The following PTPRN2 variants were observed in gnomAD, a reference collection of about 807,000 sequenced individuals.
PTPRN2 encodes the protein protein tyrosine phosphatase receptor type N2, also known as receptor-type tyrosine-protein phosphatase N2.
Under a neutral mutation model 118.8 loss-of-function variants are expected in PTPRN2, and 74 were observed. That is an observed-to-expected ratio of 0.62 (90% CI 0.52 to 0.76). The LOEUF is 0.76. PTPRN2 is among the 30% of genes least tolerant of loss of function. PTPRN2 has a pLI of 0.00. For synonymous variants in PTPRN2, 641 were observed against 608.0 expected (o/e 1.05, Z -0.80); for missense variants, 1,481 against 1,394.4 (o/e 1.06, Z -0.99).
chr7:157,757,267 C>T (rs1183707139), intron 12 of PTPRN2, among the ~76,000 whole-genome samples: 2 of 151,736 alleles, frequency 1.3e-5, no homozygotes, highest in African/African-American at 4.9e-5. Context: ...AGGCAGAGAC[C>T]GTCGAGGAAC....
intron 11 of PTPRN2, among the ~76,000 whole-genome samples, chr7:157,941,029 C>A (rs1273857768): frequency 1.1e-5 from 1 of 89,274 alleles, no homozygotes; most frequent in African/African-American, 6.6e-5. Context: ...ACACCCTCCC[C>A]ACCACGACAC....
intron 12 of PTPRN2, among the ~76,000 whole-genome samples, chr7:157,770,997 G>A (rs1460681829): frequency 6.6e-6 from 1 of 152,248 alleles, no homozygotes; most frequent in Non-Finnish European, 1.5e-5. Flanking sequence ...CGCCCTGCCA[G>A]TTTCTGGCTT....
At chr7:157,982,510 C>CA (rs1803347050) in intron 11 of PTPRN2, among the ~76,000 whole-genome samples, 1 of 138,200 alleles carries the variant, frequency 7.2e-6, no homozygotes, top group Non-Finnish European at 1.6e-5. Context: ...CAGGGTCCCC[C>CA]CAAACCCTGA....
chr7:158,224,153 AT>A (rs1280630342), intron 3 of PTPRN2, among the ~76,000 whole-genome samples: 2 of 152,228 alleles, frequency 1.3e-5, no homozygotes, highest in African/African-American at 4.8e-5. Context: ...AGATCAGAAG[AT>A]TCAACATAAT....
rs1482560985 is a variant in PTPRN2, at chr7:158,071,622, G to A, written c.1723+9676C>T. ...CCTGGTGGAGGTGCTCGTGGTGGAG[G>A]TGCTCGTGGTGGTGGAGATGCTCGT... On this transcript the variant is annotated intron_variant, in intron 11 of 22. Transcript: ENST00000389418. 9.8e-4 allele frequency among the ~76,000 whole-genome samples: 98 copies of A among 99,708 alleles called. 1 individual carries two copies. The highest frequency in any genetic ancestry group is 2.0e-3 in the South Asian group (5 of 2,532). The allele number at this position is 99,708 out of a possible 152,430, so 65.4% of individuals were successfully genotyped here.
chr7:157,660,865 CT>C (rs1486233542), intron 13 of PTPRN2, among the ~76,000 whole-genome samples: 1 of 152,246 alleles, frequency 6.6e-6, no homozygotes, highest in African/African-American at 2.4e-5. Flanking sequence ...AGCGATTCTG[CT>C]GCCTCAGCCT....
chr7:157,958,600 A>G (rs1801330211), intron 11 of PTPRN2, among the ~76,000 whole-genome samples: 1 of 152,218 alleles, frequency 6.6e-6, no homozygotes, highest in Non-Finnish European at 1.5e-5. Flanking sequence ...AATCATTTGT[A>G]CTTCTATACA....
intron 6 of PTPRN2, among the ~76,000 whole-genome samples, chr7:158,144,941 G>A (rs1265139410): frequency 6.6e-6 from 1 of 150,664 alleles, no homozygotes; most frequent in Non-Finnish European, 1.5e-5. Flanking sequence ...GAATGCCACG[G>A]CTCGGCAAGA....
chr7:157,545,352 T>A (rs193162058), intron 22 of PTPRN2, among the ~76,000 whole-genome samples: 1 of 148,616 alleles, frequency 6.7e-6, no homozygotes, highest in African/African-American at 2.5e-5. Flanking sequence ...TGCCTGGGTG[T>A]GTGCATGGGG....
rs1585576797 is a variant in PTPRN2, at chr7:157,831,523, A to G, written c.1788+67150T>C. 2.0e-5 allele frequency among the ~76,000 whole-genome samples: 3 copies of G among 151,950 alleles called. No individual in the cohort carries two copies. ...CCCATCCCTGTCCACGGCCCCTCTC[A>G]CCCTGCAGTACTGAGCAGGGTGAGG... is the stretch of plus-strand genomic sequence containing the variant. On this transcript the variant is annotated intron_variant, in intron 12 of 22. Transcript: ENST00000389418. This position sits in a 1 kb window ranked among gnomAD's most constrained non-coding sequence, Gnocchi z 4.8.
At position 157,571,504 on chromosome 7, in the gene PTPRN2, AAG is replaced by A. The variant is rs1279338737; in HGVS notation, c.2784-13_2784-12del. 1.9e-6 allele frequency: 3 copies of A among 1,596,558 alleles called. No individual in the cohort carries two copies. The highest frequency in any genetic ancestry group is 2.2e-5 in the East Asian group (1 of 44,762). ...CACTTGTTTACTTTTCTGAAATAAA[AAG>A]AGATATAAAAATTATCGTTGTGTAC... On this transcript the variant is annotated splice_polypyrimidine_tract_variant and intron_variant, in intron 19 of 22. Coordinates refer to ENST00000389418, the MANE Select transcript of PTPRN2 (RefSeq NM_002847.5).
In PTPRN2 at chr7:157,817,999, C is replaced by T. The variant is rs557057957; in HGVS notation, c.1788+80674G>A. 1.3e-4 allele frequency among the ~76,000 whole-genome samples: 19 copies of T among 150,866 alleles called. 1 individual carries two copies. In the East Asian group the frequency reaches 2.5e-3, roughly 20 times the overall value. On this transcript the variant is annotated intron_variant, in intron 12 of 22. Coordinates refer to ENST00000389418, the MANE Select transcript of PTPRN2 (RefSeq NM_002847.5). ...GTACATGTGTGATATATGTGTTGTGCGTGGGGCATGTGTGCGGTGTGTGTA... is the reference window on the plus strand; with the variant it reads ...GTACATGTGTGATATATGTGTTGTGTGTGGGGCATGTGTGCGGTGTGTGTA...
At chr7:158,515,627 C>T (rs1823495644) in intron 1 of PTPRN2, among the ~76,000 whole-genome samples, 1 of 152,192 alleles carries the variant, frequency 6.6e-6, no homozygotes, top group African/African-American at 2.4e-5. Context: ...CACCTCATTC[C>T]ATGCTCGCCT....
chr7:158,380,926 C>G lies in PTPRN2; in HGVS notation c.164-63994G>C, dbSNP rs111462060. 2.3e-3 allele frequency among the ~76,000 whole-genome samples: 356 copies of G among 152,408 alleles called. 2 individuals carry two copies. The highest frequency in any genetic ancestry group is 0.017 in the Middle Eastern group (5 of 294). ...AGCTGCCAAGGCTTGGGGCTTGCCC[C>G]CCTCTGAAGCCACAGCCTGAGCTCC... On this transcript the variant is annotated intron_variant, in intron 2 of 22. Coordinates refer to ENST00000389418, the MANE Select transcript of PTPRN2 (RefSeq NM_002847.5).
chr7:157,783,115 T>G (rs149768093), intron 12 of PTPRN2, among the ~76,000 whole-genome samples: 289 of 152,330 alleles, frequency 1.9e-3, no homozygotes, highest in African/African-American at 6.7e-3. Context: ...TGCCGCCACG[T>G]GAAGAAGAAC....
intron 2 of PTPRN2, among the ~76,000 whole-genome samples, chr7:158,445,408 G>T (rs1362934543): frequency 6.6e-6 from 1 of 152,180 alleles, no homozygotes; most frequent in Non-Finnish European, 1.5e-5. Flanking sequence ...ACTCTACACT[G>T]CACAGCAGCC....
chr7:158,204,149 T>A (rs1314970421), intron 4 of PTPRN2, among the ~76,000 whole-genome samples: 1 of 149,920 alleles, frequency 6.7e-6, no homozygotes, highest in South Asian at 2.1e-4. Flanking sequence ...CCGCCCTCAG[T>A]GTGTGCGGCG....
intron 13 of PTPRN2, among the ~76,000 whole-genome samples, chr7:157,660,649 AAG>A (rs1795840480): frequency 6.6e-6 from 1 of 152,234 alleles, no homozygotes; most frequent in South Asian, 2.1e-4. Context: ...ATTCATGAGT[AAG>A]AGAGACGTAT....
chr7:157,761,205 A>T (rs1802104856), intron 12 of PTPRN2, among the ~76,000 whole-genome samples: 1 of 152,068 alleles, frequency 6.6e-6, no homozygotes, highest in Non-Finnish European at 1.5e-5. Context: ...TGCCATCCCC[A>T]TCAAGCTACC....
Sources: gnomAD v4.1 joint callset for allele counts (sites outside exome capture counted in the v4.1 genomes callset) on GRCh38, gnomAD v4.1.1 for gene constraint, Gnocchi (gnomAD v3.1) non-coding constraint, MANE v1.5 for transcripts, NCBI Gene and HGNC (gene_info 2026-07-23, HGNC 2026-07-21) for gene names.